MEGF10: variants seen among roughly 807,000 people sequenced by gnomAD.
MEGF10 encodes the protein multiple EGF like domains 10.
In MEGF10, 86 loss-of-function variants were observed where a neutral mutation model predicts 147.5. That is an observed-to-expected ratio of 0.58 (90% confidence interval 0.49 to 0.70). MEGF10 has a LOEUF of 0.70. Among genes scored for constraint, MEGF10 ranks in the 30% least tolerant of loss-of-function variants. The pLI is 0.00. For synonymous variants in MEGF10, 478 were observed against 525.5 expected (o/e 0.91, Z 1.24); for missense variants, 1,329 against 1,487.3 (o/e 0.89, Z 1.75).
chr5:127,447,706 C>G (rs749613812), intron 21 of MEGF10, 22 bp downstream of exon 21: 2 of 1,613,626 alleles, frequency 1.2e-6, no homozygotes, highest in Non-Finnish European at 1.7e-6. Flanking sequence ...TGGTTCAAGT[C>G]TTTGGAAGTG....
At chr5:127,257,311 A>G in the MEGF10 span, among the ~76,000 whole-genome samples, 978 of 151,486 alleles carry the variant, frequency 6.5e-3, 11 homozygotes, top group African/African-American at 0.023. Context: ...TTTTATTAAA[A>G]AAAAAAAAAA....
chr5:127,298,542 G>C (rs1014443327), intron 1 of MEGF10, among the ~76,000 whole-genome samples: 4 of 152,172 alleles, frequency 2.6e-5, no homozygotes, highest in African/African-American at 9.7e-5. Flanking sequence ...CCTAGATTTT[G>C]ATTCGGTAGG....
At chr5:127,440,070 T>C (rs903961526) in intron 17 of MEGF10, among the ~76,000 whole-genome samples, 1 of 152,250 alleles carries the variant, frequency 6.6e-6, no homozygotes, top group Admixed American at 6.5e-5. Flanking sequence ...CAAGACACTC[T>C]TGCAGGGCAG....
chr5:127,442,931 G>T, intron 18 of MEGF10, 67 bp from the exon 19 acceptor site: 1 of 1,535,016 alleles, frequency 6.5e-7, no homozygotes, highest in South Asian at 1.2e-5. Flanking sequence ...TGCAGGGCTT[G>T]CAGTCAGAGA....
chr5:127,333,522 A>T (rs1367660415), intron 2 of MEGF10, among the ~76,000 whole-genome samples: 2 of 152,034 alleles, frequency 1.3e-5, no homozygotes, highest in Admixed American at 6.6e-5. Flanking sequence ...AAAAAAATAA[A>T]AATAAAAATA....
intron 1 of MEGF10, 48 bp from the exon 2 acceptor site, chr5:127,331,243 G>A (rs1219571625): frequency 3.1e-6 from 3 of 979,926 alleles, no homozygotes; most frequent in East Asian, 2.4e-5. Context: ...AGAATTCTGT[G>A]TGAGTCATTT....
At chr5:127,417,201 A>G (rs1475718148) in intron 9 of MEGF10, among the ~76,000 whole-genome samples, 5 of 152,186 alleles carry the variant, frequency 3.3e-5, no homozygotes, top group African/African-American at 1.2e-4. Flanking sequence ...GCTGCCAGCT[A>G]CCAGGTATAG....
intron 8 of MEGF10, among the ~76,000 whole-genome samples, chr5:127,405,321 T>C (rs1580825251): frequency 6.6e-6 from 1 of 152,328 alleles, no homozygotes; most frequent in East Asian, 1.9e-4. Context: ...GTCATGTTTG[T>C]TGCCTCCTGC....
At chr5:127,453,577 T>C (rs1766236352) in intron 22 of MEGF10, among the ~76,000 whole-genome samples, 1 of 152,210 alleles carries the variant, frequency 6.6e-6, no homozygotes, top group Non-Finnish European at 1.5e-5. Context: ...ATTTTAGAGA[T>C]GAGAAAATTG....
chr5:127,352,235 T>C (rs900091264), intron 4 of MEGF10, among the ~76,000 whole-genome samples: 1 of 152,174 alleles, frequency 6.6e-6, no homozygotes, highest in Non-Finnish European at 1.5e-5. Context: ...CCACCAGTAA[T>C]GTATGAGGGT....
intron 19 of MEGF10, 199 bp from the exon 20 acceptor site, chr5:127,445,258 G>A: frequency 1.7e-6 from 1 of 582,522 alleles, no homozygotes; most frequent in Non-Finnish European, 3.1e-6. Context: ...GCTTACAGCA[G>A]CCTTTCTCTG....
At chr5:127,432,686 A>C (rs1261380538) in intron 13 of MEGF10, among the ~76,000 whole-genome samples, 1 of 152,018 alleles carries the variant, frequency 6.6e-6, no homozygotes, top group Non-Finnish European at 1.5e-5. Context: ...CATTTTTTTT[A>C]ATTCTAAAGT....
the MEGF10 span, among the ~76,000 whole-genome samples, chr5:127,273,792 C>A: frequency 6.6e-6 from 1 of 152,138 alleles, no homozygotes; most frequent in Non-Finnish European, 1.5e-5. Context: ...GGCCAAAGAA[C>A]TAACATTTAT....
rs1448709517 is a variant in MEGF10 at position 127,458,181 on chromosome 5, G to A, written c.*863G>A. ...TAATTTTATTTTTGACAGACTGGAT[G>A]GAATGAGTGTGTAATGATTGATAAA... On this transcript the variant is annotated 3_prime_UTR_variant, in exon 25 of 25. Transcript: ENST00000503335. The A allele has an allele frequency of 6.6e-6, 1 of 152,118 alleles. No individual in the cohort carries two copies. Among genetic ancestry groups the A allele is most frequent in the African/African-American group, 2.4e-5 (1 of 41,424 alleles). The allele number at this position is 152,118 out of a possible 1,614,324, so 9.4% of individuals were successfully genotyped here.
chr5:127,252,727 C>G, the MEGF10 span, among the ~76,000 whole-genome samples: 1 of 151,882 alleles, frequency 6.6e-6, no homozygotes, highest in Non-Finnish European at 1.5e-5. Flanking sequence ...ATAGTTTTAA[C>G]TTTCTATGAT....
At chr5:127,438,642 G>C (rs995361292) in intron 17 of MEGF10, 75 bp downstream of exon 17, 7 of 1,521,422 alleles carry the variant, frequency 4.6e-6, no homozygotes, top group Non-Finnish European at 6.3e-6. Flanking sequence ...CTCCGCATGC[G>C]TGACTGGAGC....
intron 4 of MEGF10, among the ~76,000 whole-genome samples, chr5:127,361,169 G>A (rs1762458176): frequency 1.3e-5 from 2 of 151,858 alleles, no homozygotes; most frequent in African/African-American, 2.4e-5. Flanking sequence ...GAAACCATCT[G>A]GAATTGGAGG....
intron 1 of MEGF10, among the ~76,000 whole-genome samples, chr5:127,307,773 A>C (rs901108913): frequency 1.3e-5 from 2 of 152,146 alleles, no homozygotes; most frequent in Admixed American, 6.5e-5. Flanking sequence ...TTGAACTTAC[A>C]AATTTAAAAA....
At chr5:127,260,740 C>T in the MEGF10 span, among the ~76,000 whole-genome samples, 1 of 152,002 alleles carries the variant, frequency 6.6e-6, no homozygotes, top group African/African-American at 2.4e-5. Context: ...CTAGGCATTT[C>T]GAGCAGAGTG....
Sources: gnomAD v4.1 joint callset for allele counts (sites outside exome capture counted in the v4.1 genomes callset) on GRCh38, gnomAD v4.1.1 for gene constraint, MANE v1.5 for transcripts, NCBI Gene and HGNC (gene_info 2026-07-23, HGNC 2026-07-21) for gene names.